Variants in SYT1 observed in about 807,000 individuals in gnomAD.
SYT1 encodes the protein synaptotagmin 1, also known as synaptotagmin-1.
In SYT1, 8 loss-of-function variants were observed where a neutral mutation model predicts 44.8. That is an observed-to-expected ratio of 0.18 (90% CI 0.10 to 0.32). The LOEUF (loss-of-function observed/expected upper bound fraction) is 0.32, where lower values mean the gene tolerates loss of function less well. Among genes scored for constraint, SYT1 ranks in the 10% least tolerant of loss-of-function variants. SYT1 has a pLI of 1.00. For missense variants in SYT1, 286 were observed against 509.3 expected, an observed-to-expected ratio of 0.56 and a Z score of 4.22; for synonymous variants, 154 against 188.8, an observed-to-expected ratio of 0.82 and a Z score of 1.51.
At chr12:79,209,135 G>A (rs1360331449) in intron 3 of SYT1, among the ~76,000 whole-genome samples, 1 of 152,170 alleles carries the variant, frequency 6.6e-6, no homozygotes, top group Non-Finnish European at 1.5e-5. Flanking sequence ...TGACAGGGCT[G>A]TTCAATCTCT....
chr12:79,040,558 T>A (rs866189783), intron 2 of SYT1, among the ~76,000 whole-genome samples: 32 of 152,286 alleles, frequency 2.1e-4, no homozygotes, highest in Middle Eastern at 6.8e-3. Flanking sequence ...AAAAATTTTC[T>A]CCCATTTTGT....
At chr12:79,113,621 A>G (rs1785193562) in intron 3 of SYT1, among the ~76,000 whole-genome samples, 1 of 152,124 alleles carries the variant, frequency 6.6e-6, no homozygotes. Flanking sequence ...TGCTTTCCAA[A>G]CTTATTTGAC....
chr12:79,443,974 A>C (rs1870571197), intron 9 of SYT1, 99 bp from the exon 10 acceptor site: 2 of 1,276,394 alleles, frequency 1.6e-6, no homozygotes, highest in African/African-American at 3.1e-5. Context: ...CATGCTATAT[A>C]ATTATTTACC....
chr12:79,417,870 A>C (rs941948046), intron 9 of SYT1, among the ~76,000 whole-genome samples: 4 of 150,478 alleles, frequency 2.7e-5, no homozygotes, highest in Admixed American at 6.6e-5. Context: ...ATGTCCTGAG[A>C]ATCTTGTTAA....
At chr12:79,428,433 A>C (rs760690284) in intron 9 of SYT1, among the ~76,000 whole-genome samples, 1 of 152,176 alleles carries the variant, frequency 6.6e-6, no homozygotes, top group Non-Finnish European at 1.5e-5. Context: ...TCCCATGATG[A>C]TTCACGAGGC....
chr12:79,029,171 C>T (rs1872696417), intron 2 of SYT1, among the ~76,000 whole-genome samples: 1 of 151,124 alleles, frequency 6.6e-6, no homozygotes, highest in South Asian at 2.1e-4. Context: ...CAATACCTCA[C>T]CCTTGCATAC....
At chr12:78,878,070 T>A (rs937295924) in intron 1 of SYT1, among the ~76,000 whole-genome samples, 6 of 151,894 alleles carry the variant, frequency 4.0e-5, no homozygotes, top group African/African-American at 1.4e-4. Flanking sequence ...GTTGGCTACC[T>A]TCTAAGGGAT....
intron 3 of SYT1, among the ~76,000 whole-genome samples, chr12:79,126,424 C>A (rs951254070): frequency 6.6e-6 from 1 of 152,118 alleles, no homozygotes; most frequent in South Asian, 2.1e-4. Context: ...CCACACCTAG[C>A]TAATTTTTGT....
chr12:79,217,884 T>A (rs1874911839), intron 4 of SYT1, among the ~76,000 whole-genome samples, 199 bp downstream of exon 4: 1 of 118,516 alleles, frequency 8.4e-6, no homozygotes, highest in Admixed American at 9.6e-5. Context: ...ACTTCATAAA[T>A]GAAAATCCAG....
At chr12:79,146,989 C>T (rs1036848352) in intron 3 of SYT1, among the ~76,000 whole-genome samples, 16 of 152,012 alleles carry the variant, frequency 1.1e-4, no homozygotes, top group Admixed American at 6.6e-5. Context: ...TACAGGCGCC[C>T]ACCACCATGT....
chr12:78,927,314 C>A (rs946653794), intron 1 of SYT1, among the ~76,000 whole-genome samples: 2 of 152,120 alleles, frequency 1.3e-5, no homozygotes, highest in Non-Finnish European at 2.9e-5. Flanking sequence ...GAAATCCAAC[C>A]ACACATTGAA....
chr12:79,039,620 T>A (rs1873386248), intron 2 of SYT1, among the ~76,000 whole-genome samples: 2 of 151,602 alleles, frequency 1.3e-5, no homozygotes, highest in Non-Finnish European at 2.9e-5. Flanking sequence ...TTATTTTTAT[T>A]TTTTTATTTT....
intron 8 of SYT1, among the ~76,000 whole-genome samples, chr12:79,335,733 C>G (rs963905576): frequency 6.6e-6 from 1 of 152,184 alleles, no homozygotes; most frequent in African/African-American, 2.4e-5. Context: ...ACCTCTCATG[C>G]TACCTTTTCC....
chr12:79,268,344 T>C (rs929797302), intron 4 of SYT1, among the ~76,000 whole-genome samples: 2 of 152,206 alleles, frequency 1.3e-5, no homozygotes, highest in African/African-American at 4.8e-5. Flanking sequence ...GCCGTGACTA[T>C]ATAGCAGAAT....
At position 79,044,672 on chromosome 12, in the gene SYT1, G is replaced by T. The variant is rs1427152608; in HGVS notation, c.-83-2625G>T. Among the ~76,000 whole-genome samples the T allele has an allele frequency of 1.3e-5, 2 of 150,508 alleles. 1 individual carries two copies. Among genetic ancestry groups the T allele is most frequent in the South Asian group, 4.3e-4 (2 of 4,672 alleles). On this transcript the variant is annotated intron_variant, in intron 2 of 10. Coordinates refer to ENST00000261205, the MANE Select transcript of SYT1 (RefSeq NM_005639.3). ...CCAGCTTTGTTCCGTTGCTGGTGAG[G>T]AACTGCGTTCCTTTGGAGGAGGAGA...
intron 3 of SYT1, among the ~76,000 whole-genome samples, chr12:79,135,609 TG>T (rs535810327): frequency 4.2e-4 from 64 of 152,326 alleles, no homozygotes; most frequent in African/African-American, 1.5e-3. Flanking sequence ...GGAAGCCTTT[TG>T]GATACTTGTA....
At chr12:79,244,773 C>T (rs1449338716) in intron 4 of SYT1, among the ~76,000 whole-genome samples, 2 of 150,694 alleles carry the variant, frequency 1.3e-5, no homozygotes, top group East Asian at 3.9e-4. Flanking sequence ...CGCTAAGTTT[C>T]CACACATCTC....
At chr12:78,902,052 A>G (rs1386175983) in intron 1 of SYT1, among the ~76,000 whole-genome samples, 2 of 142,822 alleles carry the variant, frequency 1.4e-5, no homozygotes, top group Middle Eastern at 3.3e-3. Flanking sequence ...GGGGGATGGG[A>G]GGGAGGGATA....
At chr12:79,089,305 A>C (rs1323279524) in intron 3 of SYT1, among the ~76,000 whole-genome samples, 1 of 152,056 alleles carries the variant, frequency 6.6e-6, no homozygotes, top group East Asian at 1.9e-4. Flanking sequence ...CAACAGTTAA[A>C]ATTTTCAAAA....
Sources: allele counts gnomAD v4.1 joint callset (sites outside exome capture counted in the v4.1 genomes callset), GRCh38; gene constraint gnomAD v4.1.1; transcripts MANE v1.5; gene names NCBI Gene and HGNC (gene_info 2026-07-23, HGNC 2026-07-21).